Variants in MYO16 observed in about 807,000 individuals in gnomAD.
MYO16 encodes the protein unconventional myosin-XVI.
In MYO16, 94 loss-of-function variants were observed where a neutral mutation model predicts 205.3. That is an observed-to-expected ratio of 0.46 (90% confidence interval 0.39 to 0.54). The LOEUF (loss-of-function observed/expected upper bound fraction) is 0.54. Among genes scored for constraint, MYO16 ranks in the 20% least tolerant of loss-of-function variants. MYO16 has a pLI of 0.00. For missense variants in MYO16, 2,315 were observed against 2,387.5 expected (o/e 0.97, Z 0.63); for synonymous variants, 988 against 954.0 (o/e 1.04, Z -0.66).
At chr13:108,692,142 A>C (rs1882920694) in intron 2 of MYO16, among the ~76,000 whole-genome samples, 1 of 152,246 alleles carries the variant, frequency 6.6e-6, no homozygotes, top group Non-Finnish European at 1.5e-5. Context: ...CATGAATCAA[A>C]TGAAAATCTT....
Position 109,127,567 on chromosome 13 carries a change from G to A in MYO16, c.4051+17G>A, listed in dbSNP as rs1270801122. ...CCAACGAAGGTCAGCCCTGGGGAGG[G>A]ACCCAGCCTCGTGTTCCGGGCTCGC... is the stretch of plus-strand genomic sequence containing the variant. On this transcript the variant is annotated intron_variant, in intron 31 of 34. Coordinates refer to ENST00000457511, the MANE Select transcript of MYO16 (RefSeq NM_001198950.3). The surrounding 1 kb of genome is among the most constrained non-coding windows in gnomAD (Gnocchi z 4.2). 1 of 1,604,334 alleles carries A rather than the reference G, an allele frequency of 6.2e-7. No homozygotes were observed. Among genetic ancestry groups the A allele is most frequent in the Non-Finnish European group, 8.5e-7 (1 of 1,178,704 alleles).
At chr13:108,785,088 T>C (rs868213362) in intron 4 of MYO16, among the ~76,000 whole-genome samples, 1 of 152,152 alleles carries the variant, frequency 6.6e-6, no homozygotes, top group Non-Finnish European at 1.5e-5. Context: ...TGTTAGAAGA[T>C]AGTTGCTGGA....
intron 1 of MYO16, among the ~76,000 whole-genome samples, chr13:108,663,206 A>G (rs1275989804): frequency 1.3e-5 from 2 of 152,138 alleles, no homozygotes; most frequent in Non-Finnish European, 2.9e-5. Context: ...GCTAAAATTC[A>G]CAATGCAAGC....
At chr13:108,967,153 A>ATGTGTGTGTG (rs568054141) in intron 20 of MYO16, among the ~76,000 whole-genome samples, 1,519 of 150,948 alleles carry the variant, frequency 0.01, 16 homozygotes, top group African/African-American at 0.031. Flanking sequence ...CTGACTATAT[A>ATGTGTGTGTG]TATGTGTGTG....
intron 15 of MYO16, among the ~76,000 whole-genome samples, chr13:108,898,800 T>C (rs1880565073): frequency 6.6e-6 from 1 of 152,188 alleles, no homozygotes; most frequent in Non-Finnish European, 1.5e-5. Flanking sequence ...AGAATTCACC[T>C]AGAATTTTAC....
the MYO16 span, among the ~76,000 whole-genome samples, chr13:108,528,324 A>G: frequency 2.6e-5 from 4 of 152,166 alleles, no homozygotes; most frequent in East Asian, 1.9e-4. Flanking sequence ...GCCAGATGGC[A>G]TAACTTAGGG....
chr13:108,886,350 C>T (rs196136), intron 13 of MYO16: 63,890 of 451,870 alleles, frequency 0.14, 4,921 homozygotes, highest in East Asian at 0.3. Context: ...TGAAAAAATA[C>T]CTCTTCATTC....
chr13:109,137,432 C>T (rs1249083062), intron 31 of MYO16, among the ~76,000 whole-genome samples: 1 of 152,224 alleles, frequency 6.6e-6, no homozygotes, highest in Non-Finnish European at 1.5e-5. Flanking sequence ...TTAAATTATT[C>T]ATATCTTCAG....
rs531245414 is a variant in MYO16, at chr13:108,994,392, G to A, written c.2442+1944G>A. 6.6e-5 allele frequency among the ~76,000 whole-genome samples: 10 copies of A among 152,086 alleles called. No homozygotes were observed. In the South Asian group the frequency reaches 2.1e-3, roughly 32 times the overall value. On this transcript the variant is annotated intron_variant, in intron 21 of 34. Coordinates refer to ENST00000457511, the MANE Select transcript of MYO16 (RefSeq NM_001198950.3). Reference sequence around the variant, plus strand: ...TGCTATTGTGTACAAAAGCAACTAGGAGTCATTTAGAAGAATAAAATTATT... The same window carrying A: ...TGCTATTGTGTACAAAAGCAACTAGAAGTCATTTAGAAGAATAAAATTATT...
chr13:108,727,684 G>A, intron 4 of MYO16, 101 bp downstream of exon 4: 1 of 1,329,052 alleles, frequency 7.5e-7, no homozygotes, highest in Non-Finnish European at 1.0e-6. Flanking sequence ...TTTTGGTTGA[G>A]AAAAATCTGC....
At chr13:109,157,352 C>A (rs1421287266) in intron 32 of MYO16, among the ~76,000 whole-genome samples, 1 of 151,986 alleles carries the variant, frequency 6.6e-6, no homozygotes, top group Non-Finnish European at 1.5e-5. Context: ...AAGCTCTCTG[C>A]TCCCACTTCC....
intron 4 of MYO16, among the ~76,000 whole-genome samples, chr13:108,762,856 GA>G (rs1885655029): frequency 6.6e-6 from 1 of 152,162 alleles, no homozygotes; most frequent in African/African-American, 2.4e-5. Context: ...GAACACCATT[GA>G]TAGATGTGGT....
chr13:108,909,040 T>TTATTC (rs3042106), intron 15 of MYO16, among the ~76,000 whole-genome samples: 49,516 of 150,642 alleles, frequency 0.33, 8,811 homozygotes, highest in Non-Finnish European at 0.41. Context: ...CATAATCTGA[T>TTATTC]TATTCATAAT....
At chr13:108,930,466 C>G (rs1882206409) in intron 16 of MYO16, among the ~76,000 whole-genome samples, 1 of 151,990 alleles carries the variant, frequency 6.6e-6, no homozygotes, top group Non-Finnish European at 1.5e-5. Flanking sequence ...ACTCAATGAT[C>G]AATCATAGGA....
intron 2 of MYO16, among the ~76,000 whole-genome samples, chr13:108,677,335 GTATATA>G (rs747613453): frequency 1.7e-4 from 15 of 87,480 alleles, no homozygotes; most frequent in African/African-American, 7.6e-4. Context: ...GTGTGTGTGT[GTATATA>G]TATATATATA....
chr13:108,589,295 G>A, the MYO16 span, among the ~76,000 whole-genome samples: 47,603 of 151,864 alleles, frequency 0.31, 7,848 homozygotes, highest in African/African-American at 0.4. Flanking sequence ...AATTATCATT[G>A]TTAACCTGAT....
intron 27 of MYO16, among the ~76,000 whole-genome samples, chr13:109,095,935 C>G (rs970254856): frequency 6.6e-6 from 1 of 152,134 alleles, no homozygotes; most frequent in Non-Finnish European, 1.5e-5. Flanking sequence ...AAGGGTAAAT[C>G]TTATCCTTTT....
chr13:109,159,928 G>A (rs1019093679), intron 32 of MYO16, among the ~76,000 whole-genome samples: 9 of 152,248 alleles, frequency 5.9e-5, no homozygotes, highest in African/African-American at 2.2e-4. Flanking sequence ...GGATCTTAAT[G>A]TGAATCAACT....
chr13:109,166,444 A>G (rs1407951213), intron 33 of MYO16, among the ~76,000 whole-genome samples: 1 of 152,224 alleles, frequency 6.6e-6, no homozygotes, highest in Non-Finnish European at 1.5e-5. Flanking sequence ...AAAAGGGAAG[A>G]ATGGAAACTC....
Sources: allele counts gnomAD v4.1 joint callset (sites outside exome capture counted in the v4.1 genomes callset), GRCh38; gene constraint gnomAD v4.1.1; non-coding constraint Gnocchi (gnomAD v3.1); transcripts MANE v1.5; gene names NCBI Gene and HGNC (gene_info 2026-07-23, HGNC 2026-07-21).